The following KPNB1 variants were observed in gnomAD, a reference collection of about 807,000 sequenced individuals.
KPNB1 encodes the protein importin subunit beta-1.
A neutral mutation model predicts 113.0 loss-of-function variants in KPNB1; 7 were observed. The ratio of observed to expected loss-of-function variants is 0.06; its 90% CI spans 0.04 to 0.12. KPNB1 has a LOEUF of 0.12. KPNB1 is among the 10% of genes least tolerant of loss of function. KPNB1 has a pLI of 1.00. For synonymous variants in KPNB1, 363 were observed against 378.6 expected (o/e 0.96, Z 0.48); for missense variants, 400 against 1,054.8 (o/e 0.38, Z 8.60).
At chr17:47,650,360 T>C in intron 1 of KPNB1, 26 bp from the exon 2 acceptor site, 6 of 1,610,796 alleles carry the variant, frequency 3.7e-6, no homozygotes, top group Non-Finnish European at 5.1e-6. Flanking sequence ...CTGACCCCGC[T>C]CCGTCTCCCA....
chr17:47,671,326 A>G (rs2030439176), intron 12 of KPNB1, among the ~76,000 whole-genome samples: 1 of 152,178 alleles, frequency 6.6e-6, no homozygotes. Flanking sequence ...GATTCCACCT[A>G]CCTTAGAATT....
intron 2 of KPNB1, among the ~76,000 whole-genome samples, chr17:47,650,775 C>T (rs1012540793): frequency 1.4e-4 from 21 of 152,080 alleles, no homozygotes; most frequent in Admixed American, 9.2e-4. Flanking sequence ...GCGTGTTCAG[C>T]AGGGGTGGGG....
At chr17:47,659,285 G>A (rs1019806276) in intron 5 of KPNB1, among the ~76,000 whole-genome samples, 1 of 152,096 alleles carries the variant, frequency 6.6e-6, no homozygotes, top group Non-Finnish European at 1.5e-5. Flanking sequence ...GGAGGCAGAG[G>A]TTGCAGTGAG....
At chr17:47,650,844 C>T (rs1028177688) in intron 2 of KPNB1, among the ~76,000 whole-genome samples, 1 of 152,194 alleles carries the variant, frequency 6.6e-6, no homozygotes, top group African/African-American at 2.4e-5. Context: ...CCCGCCCTGT[C>T]TGACCCCGGC....
chr17:47,682,588 A>G lies in KPNB1; in HGVS notation c.*184A>G, dbSNP rs2030817077. On this transcript the variant is annotated 3_prime_UTR_variant, in exon 22 of 22. Transcript: ENST00000290158. ...AGCAGCAGCCGCAGCCGCCAACAGC[A>G]GCGCTGTTAGTGAGCTAAGTAAGCA... 1.6e-6 allele frequency: 1 copy of G among 626,990 alleles called. No individual in the cohort carries two copies. Among genetic ancestry groups the G allele is most frequent in the East Asian group, 2.7e-5 (1 of 36,928 alleles). The allele number at this position is 626,990 out of a possible 1,614,324, so 38.8% of individuals were successfully genotyped here. A position where few individuals can be genotyped will look rare whatever the true frequency, so the allele number is the denominator to read the frequency against.
intron 15 of KPNB1, among the ~76,000 whole-genome samples, chr17:47,675,372 G>GTTTTTTTTTTTTTTTTTTT (rs755565036): frequency 2.3e-5 from 2 of 86,076 alleles, no homozygotes; most frequent in African/African-American, 5.1e-5. Context: ...TTTTTTTTTT[G>GTTTTTTTTTTTTTTTTTTT]TTTTTTTTTT....
intron 3 of KPNB1, among the ~76,000 whole-genome samples, chr17:47,654,847 C>T (rs1228836353): frequency 6.6e-6 from 1 of 152,166 alleles, no homozygotes; most frequent in African/African-American, 2.4e-5. Context: ...CCCATTCAGC[C>T]CCTGATATTT....
At chr17:47,662,017 C>T (rs544999724) in intron 6 of KPNB1, among the ~76,000 whole-genome samples, 1 of 152,284 alleles carries the variant, frequency 6.6e-6, no homozygotes, top group African/African-American at 2.4e-5. Context: ...ATACCCAAAA[C>T]CTGACCCTTC....
chr17:47,656,714 C>G, intron 3 of KPNB1, 146 bp from the exon 4 acceptor site: 1 of 740,540 alleles, frequency 1.4e-6, no homozygotes, highest in South Asian at 1.8e-5. Context: ...TGCCACTGCA[C>G]TCCAGTCCGG....
chr17:47,670,026 A>G (rs777537160), intron 11 of KPNB1, among the ~76,000 whole-genome samples, 157 bp downstream of exon 11: 8 of 152,196 alleles, frequency 5.3e-5, no homozygotes, highest in Non-Finnish European at 8.8e-5. Flanking sequence ...TTCCAACTGC[A>G]AGAGCCAGTG....
At chr17:47,669,119 G>A (rs1215146695) in intron 10 of KPNB1, among the ~76,000 whole-genome samples, 1 of 151,936 alleles carries the variant, frequency 6.6e-6, no homozygotes, top group Non-Finnish European at 1.5e-5. Context: ...GGGAGGCGGG[G>A]GGATGGAGTC....
At chr17:47,664,034 C>A (rs961988195) in intron 7 of KPNB1, 125 bp from the exon 8 acceptor site, 5 of 591,698 alleles carry the variant, frequency 8.5e-6, no homozygotes, top group African/African-American at 3.9e-5. Flanking sequence ...TCTTTTCTTT[C>A]AAGCCTAGCT....
At position 47,668,086 on chromosome 17, in the gene KPNB1, G is replaced by A. The variant is rs2030345634; in HGVS notation, c.1000-100G>A. 3 of 840,016 alleles carry A rather than the reference G, an allele frequency of 3.6e-6. No individual in the cohort carries two copies. In the East Asian group the frequency reaches 7.5e-5, roughly 21 times the overall value. 52.0% of individuals were successfully genotyped at this position (840,016 alleles called of 1,614,324 possible). ...AAAGGTCTTATATTTTATTTCCCTGGAGTTTAAGTTCTAAAGACATTCAAG... is the reference window on the plus strand; with the variant it reads ...AAAGGTCTTATATTTTATTTCCCTGAAGTTTAAGTTCTAAAGACATTCAAG... On this transcript the variant is annotated intron_variant, in intron 9 of 21. Coordinates refer to ENST00000290158, the MANE Select transcript of KPNB1 (RefSeq NM_002265.6).
intron 19 of KPNB1, 69 bp from the exon 20 acceptor site, chr17:47,679,951 C>G: frequency 3.3e-6 from 3 of 911,910 alleles, no homozygotes; most frequent in South Asian, 2.7e-5. Flanking sequence ...CCCGCCTGGG[C>G]CTCCTAAAGT....
chr17:47,676,073 G>A (rs2030607107), intron 15 of KPNB1, among the ~76,000 whole-genome samples: 1 of 152,214 alleles, frequency 6.6e-6, no homozygotes, highest in Admixed American at 6.5e-5. Flanking sequence ...ATGAGGAGGT[G>A]GACAAGAGTC....
chr17:47,660,471 C>T (rs954838023), intron 5 of KPNB1, among the ~76,000 whole-genome samples: 2 of 152,062 alleles, frequency 1.3e-5, no homozygotes, highest in East Asian at 1.9e-4. Context: ...GGGTAAATAC[C>T]GACAAGTAAA....
Position 47,676,478 on chromosome 17 carries a change from A to G in KPNB1, c.1982A>G (p.Tyr661Cys). 6.2e-7 allele frequency: 1 copy of G among 1,611,826 alleles called. No homozygotes were observed. The highest frequency in any genetic ancestry group is 8.5e-7 in the Non-Finnish European group (1 of 1,177,936). ...KPFLGIGLKN[Y>C]AEYQVCLAAV... ...TTCCTGGGCATTGGATTAAAAAATT[A>G]TGCTGAATACCAGGTAGGATGTGCT... The change falls in exon 16 of 22, where the codon TAT (tyrosine) becomes TGT (cysteine). Residue 661 changes from tyrosine (Y) to cysteine (C), a missense_variant. Tyr to Cys is a radical substitution (Grantham distance 194). Around this residue, in one of 2 missense-constraint regions of KPNB1, gnomAD observed 115 missense variants for 427.9 expected, o/e 0.27. Coordinates refer to ENST00000290158, the MANE Select transcript of KPNB1 (RefSeq NM_002265.6).
Position 47,685,237 on chromosome 17 carries a change from C to A in KPNB1, c.*2833C>A, listed in dbSNP as rs2030907163. 1 of 152,194 alleles carries A rather than the reference C, an allele frequency of 6.6e-6. No homozygotes were observed. The highest frequency in any genetic ancestry group is 2.4e-5 in the African/African-American group (1 of 41,438). The allele number at this position is 152,194 out of a possible 1,614,324, so 9.4% of individuals were successfully genotyped here. Reference sequence around the variant, plus strand: ...GGAATTGCTCAGTGTAGTGTTTTAACTTTCAGAACCAAGCAATCTATTTAC... The same window carrying A: ...GGAATTGCTCAGTGTAGTGTTTTAAATTTCAGAACCAAGCAATCTATTTAC... On this transcript the variant is annotated 3_prime_UTR_variant, in exon 22 of 22. Coordinates refer to ENST00000290158, the MANE Select transcript of KPNB1 (RefSeq NM_002265.6).
intron 4 of KPNB1, among the ~76,000 whole-genome samples, chr17:47,658,049 A>T (rs1005594123): frequency 6.6e-6 from 1 of 152,150 alleles, no homozygotes; most frequent in African/African-American, 2.4e-5. Context: ...GCCTGTGAAT[A>T]GCCACTGCAC....
Sources: allele counts gnomAD v4.1 joint callset (sites outside exome capture counted in the v4.1 genomes callset), GRCh38; gene constraint gnomAD v4.1.1; regional missense constraint gnomAD v4.1.1; transcripts MANE v1.5; gene names NCBI Gene and HGNC (gene_info 2026-07-23, HGNC 2026-07-21).